The following RALGPS1 variants were observed in gnomAD, a reference collection of about 807,000 sequenced individuals.
The protein encoded by RALGPS1 is Ral GEF with PH domain and SH3 binding motif 1, also known as ras-specific guanine nucleotide-releasing factor RalGPS1.
RALGPS1 carries 19 observed loss-of-function variants against 78.8 expected under a neutral mutation model. The ratio of observed to expected loss-of-function variants is 0.24; its 90% CI spans 0.17 to 0.35. RALGPS1 has a LOEUF of 0.35. RALGPS1 is among the 10% of genes least tolerant of loss of function. The probability of loss-of-function intolerance (pLI) is 1.00; values close to 1 mark genes in which losing one functional copy is unlikely to be tolerated. For synonymous variants in RALGPS1, 228 were observed against 256.3 expected, an observed-to-expected ratio of 0.89 and a Z score of 1.06; for missense variants, 454 against 688.3, an observed-to-expected ratio of 0.66 and a Z score of 3.81.
chr9:127,075,167 C>T (rs2050569894), intron 8 of RALGPS1, among the ~76,000 whole-genome samples: 1 of 152,230 alleles, frequency 6.6e-6, no homozygotes. Context: ...GGCCTCCATC[C>T]TCCTGCATTC....
intron 4 of RALGPS1, among the ~76,000 whole-genome samples, chr9:127,008,365 C>T (rs1171822177): frequency 6.6e-6 from 1 of 152,150 alleles, no homozygotes; most frequent in African/African-American, 2.4e-5. Flanking sequence ...CTGCCCCTGG[C>T]CCTGTCTGTG....
chr9:127,189,617 AATG>A (rs2060911420), intron 11 of RALGPS1, among the ~76,000 whole-genome samples: 1 of 152,214 alleles, frequency 6.6e-6, no homozygotes, highest in South Asian at 2.1e-4. Flanking sequence ...GGCAGACACA[AATG>A]ATACAAGTTG....
intron 14 of RALGPS1, among the ~76,000 whole-genome samples, chr9:127,209,228 G>A (rs921338179): frequency 8.5e-5 from 13 of 152,254 alleles, no homozygotes; most frequent in African/African-American, 2.9e-4. Context: ...GGAGGTAGCC[G>A]TGGCCAGTTC....
chr9:126,959,164 C>T (rs932768478), intron 1 of RALGPS1, among the ~76,000 whole-genome samples: 22 of 151,374 alleles, frequency 1.5e-4, no homozygotes, highest in Non-Finnish European at 2.1e-4. Flanking sequence ...TGGGTTCAGG[C>T]GATTCCCCTG....
At chr9:127,010,782 T>G (rs2070954880) in intron 4 of RALGPS1, among the ~76,000 whole-genome samples, 1 of 152,246 alleles carries the variant, frequency 6.6e-6, no homozygotes, top group African/African-American at 2.4e-5. Context: ...GCCTTTAGTT[T>G]TACATGACTT....
intron 1 of RALGPS1, among the ~76,000 whole-genome samples, chr9:126,948,735 T>C (rs1301717065): frequency 6.6e-6 from 1 of 151,724 alleles, no homozygotes; most frequent in Non-Finnish European, 1.5e-5. Context: ...CCAATTCAGC[T>C]CCGTAAACAT....
chr9:127,035,296 T>C lies in RALGPS1; in HGVS notation c.300+782T>C, dbSNP rs2046771548. ...GGCCTGATCCCTGGCCTTGCACTAC[T>C]TTAAACTGACTTGGTCCAACAAGAA... On this transcript the variant is annotated intron_variant, in intron 5 of 18. Transcript: ENST00000259351. Among the ~76,000 whole-genome samples, 6 of 152,308 alleles carry C rather than the reference T, an allele frequency of 3.9e-5. No homozygotes were observed. The South Asian group carries it at 1.2e-3, about 32-fold the overall frequency.
intron 8 of RALGPS1, among the ~76,000 whole-genome samples, chr9:127,140,851 C>G (rs7021400): frequency 0.02 from 3,116 of 152,280 alleles, 106 homozygotes; most frequent in African/African-American, 0.071. Context: ...AGGTGATGGA[C>G]AGCCTGGCTG....
At chr9:126,953,204 C>G (rs953284252) in intron 1 of RALGPS1, among the ~76,000 whole-genome samples, 9 of 152,206 alleles carry the variant, frequency 5.9e-5, no homozygotes, top group Admixed American at 2.0e-4. Flanking sequence ...CACACAAGAC[C>G]AGATTCTGTC....
At chr9:127,071,324 A>T (rs764099527) in intron 8 of RALGPS1, among the ~76,000 whole-genome samples, 1 of 152,034 alleles carries the variant, frequency 6.6e-6, no homozygotes, top group Non-Finnish European at 1.5e-5. Context: ...TCAATCAAGG[A>T]TGTGCATTTT....
chr9:127,000,390 G>A (rs2133545548), intron 4 of RALGPS1, among the ~76,000 whole-genome samples: 1 of 151,816 alleles, frequency 6.6e-6, no homozygotes, highest in African/African-American at 2.4e-5. Context: ...GATATTTTGG[G>A]CCTTCATTTC....
At chr9:127,156,442 A>G (rs999265379) in intron 8 of RALGPS1, among the ~76,000 whole-genome samples, 3 of 152,154 alleles carry the variant, frequency 2.0e-5, no homozygotes, top group Non-Finnish European at 4.4e-5. Context: ...ATCAACACTA[A>G]ATATTATCGA....
Position 126,916,402 on chromosome 9 carries a change from A to T in RALGPS1, c.-66+1427A>T, listed in dbSNP as rs371280982. On this transcript the variant is annotated intron_variant, in intron 1 of 18. Transcript: ENST00000259351. ...TGACCTTTAGACCCCAACCCCGGTG[A>T]GGACTCTGAGCTGGAACATAAAGCT... 5.3e-5 allele frequency among the ~76,000 whole-genome samples: 8 copies of T among 152,200 alleles called. No homozygotes were observed. The East Asian group carries it at 7.7e-4, about 15-fold the overall frequency.
intron 8 of RALGPS1, among the ~76,000 whole-genome samples, chr9:127,134,724 TAC>T (rs1380643346): frequency 2.0e-5 from 3 of 152,208 alleles, no homozygotes; most frequent in Non-Finnish European, 4.4e-5. Context: ...TTGCAATGTA[TAC>T]AGTCTCTGTG....
chr9:127,193,131 A>G (rs1021956896), intron 11 of RALGPS1, among the ~76,000 whole-genome samples: 5 of 152,056 alleles, frequency 3.3e-5, no homozygotes, highest in Non-Finnish European at 7.4e-5. Context: ...AGAAGGGGAA[A>G]GTGAGGCAGG....
chr9:127,039,749 AGT>A lies in RALGPS1; in HGVS notation c.300+5237_300+5238del, dbSNP rs1426482625. 2.6e-5 allele frequency among the ~76,000 whole-genome samples: 4 copies of A among 151,922 alleles called. No homozygotes were observed. In the East Asian group the frequency reaches 7.7e-4, roughly 29 times the overall value. On this transcript the variant is annotated intron_variant, in intron 5 of 18. Transcript: ENST00000259351. The stretch of plus-strand genomic sequence containing the variant: ...CCATTTGTAGGTGCAATACAAGGAG[AGT>A]GATGGCTTTTCTTCGTCAGTGAAAT...
chr9:127,146,731 A>G (rs2058117559), intron 8 of RALGPS1, among the ~76,000 whole-genome samples: 1 of 151,958 alleles, frequency 6.6e-6, no homozygotes, highest in African/African-American at 2.4e-5. Flanking sequence ...TTTAGTAGAG[A>G]TGGGGTCTCA....
chr9:127,032,684 A>G (rs548020849), intron 4 of RALGPS1, among the ~76,000 whole-genome samples: 103 of 152,330 alleles, frequency 6.8e-4, no homozygotes, highest in African/African-American at 2.2e-3. Context: ...AGGTAGGTCA[A>G]ACATACATTT....
intron 5 of RALGPS1, among the ~76,000 whole-genome samples, chr9:127,043,432 C>T (rs918734355): frequency 6.7e-6 from 1 of 150,368 alleles, no homozygotes; most frequent in Non-Finnish European, 1.5e-5. Context: ...TAGACACAGA[C>T]CTTAGACCTT....
Sources: gnomAD v4.1 joint callset for allele counts (sites outside exome capture counted in the v4.1 genomes callset) on GRCh38, gnomAD v4.1.1 for gene constraint, MANE v1.5 for transcripts, NCBI Gene and HGNC (gene_info 2026-07-23, HGNC 2026-07-21) for gene names.